Variants in USP25 observed in about 807,000 individuals in gnomAD.
USP25 encodes ubiquitin carboxyl-terminal hydrolase 25.
Under a neutral mutation model 158.5 loss-of-function variants are expected in USP25, and 85 were observed. The ratio of observed to expected loss-of-function variants is 0.54; its 90% confidence interval spans 0.45 to 0.64. The LOEUF is 0.64. Ranked by LOEUF, USP25 falls within the 30% of genes least tolerant of loss-of-function variation. The pLI, the probability that USP25 is intolerant of heterozygous loss-of-function variation, is 0.00. For missense variants in USP25, 1,242 were observed against 1,327.3 expected (o/e 0.94, Z 1.00); for synonymous variants, 464 against 460.4 (o/e 1.01, Z -0.10).
At chr21:15,750,161 T>G (rs1014033248) in intron 1 of USP25, among the ~76,000 whole-genome samples, 5 of 151,150 alleles carry the variant, frequency 3.3e-5, no homozygotes, top group Non-Finnish European at 5.9e-5. Context: ...TCAATTATAC[T>G]TTAATGAAAT....
chr21:15,846,830 T>C (rs1305299837), intron 18 of USP25, among the ~76,000 whole-genome samples: 1 of 152,168 alleles, frequency 6.6e-6, no homozygotes, highest in Non-Finnish European at 1.5e-5. Context: ...GTATTTTGAA[T>C]GAATCATATT....
At chr21:15,818,628 C>G in intron 9 of USP25, 70 bp from the exon 10 acceptor site, 1 of 1,365,728 alleles carries the variant, frequency 7.3e-7, no homozygotes. Flanking sequence ...AGGTGAGAAT[C>G]CTTACGTACT....
intron 17 of USP25, among the ~76,000 whole-genome samples, chr21:15,837,442 C>A (rs1227935747): frequency 6.6e-6 from 1 of 151,724 alleles, no homozygotes; most frequent in African/African-American, 2.4e-5. Context: ...GTTTTTTTTT[C>A]TGAGTGTGAA....
chr21:15,782,514 T>C (rs901546398), intron 4 of USP25, among the ~76,000 whole-genome samples: 15 of 152,192 alleles, frequency 9.9e-5, no homozygotes, highest in Non-Finnish European at 2.1e-4. Flanking sequence ...GTACAACCTT[T>C]CTGGCCTGCT....
chr21:15,831,520 G>A lies in USP25; in HGVS notation c.1884G>A (p.Val628=). The A allele has an allele frequency of 2.5e-6, 4 of 1,613,984 alleles. No homozygotes were observed. The highest frequency in any genetic ancestry group is 3.4e-6 in the Non-Finnish European group (4 of 1,179,912). The change falls in exon 16 of 26, where the codon GTG becomes GTA. Residue 628 remains valine (V), a synonymous_variant. Coordinates refer to ENST00000400183, the MANE Select transcript of USP25 (RefSeq NM_001283041.3). ...GGATGAAGTACAATGATATTGCTGT[G>A]ACAAAATCATCATGGGAAGAGCTAG... ...SRWMKYNDIA[V]TKSSWEELVR... is the part of the protein sequence containing the mutation.
chr21:15,878,702 CTAAT>C lies in USP25; in HGVS notation c.*229_*232del, dbSNP rs2040194224. The stretch of plus-strand genomic sequence containing the variant: ...CCGGAACTGATGTATAATCACAAAT[CTAAT>C]TGATTTTATTATGGCAAAACTATGC... On this transcript the variant is annotated 3_prime_UTR_variant, in exon 26 of 26. Coordinates refer to ENST00000400183, the MANE Select transcript of USP25 (RefSeq NM_001283041.3). The C allele has an allele frequency of 2.4e-6, 1 of 413,710 alleles. No homozygotes were observed. The highest frequency in any genetic ancestry group is 2.1e-5 in the African/African-American group (1 of 48,652). 25.6% of individuals were successfully genotyped at this position (413,710 alleles called of 1,614,324 possible). A position where few individuals can be genotyped will look rare whatever the true frequency, so the allele number is the denominator to read the frequency against.
chr21:15,837,901 G>T (rs1053407582), intron 17 of USP25, among the ~76,000 whole-genome samples: 1 of 151,930 alleles, frequency 6.6e-6, no homozygotes, highest in Non-Finnish European at 1.5e-5. Flanking sequence ...AGTATCGTCA[G>T]TGTTCTCAGA....
At chr21:15,813,213 C>T (rs1469222659) in intron 9 of USP25, among the ~76,000 whole-genome samples, 1 of 152,168 alleles carries the variant, frequency 6.6e-6, no homozygotes, top group African/African-American at 2.4e-5. Context: ...GTGTAATCAC[C>T]ATTCTTTCTC....
intron 20 of USP25, among the ~76,000 whole-genome samples, chr21:15,854,463 A>G (rs1388882144): frequency 1.3e-5 from 2 of 151,720 alleles, no homozygotes; most frequent in Non-Finnish European, 2.9e-5. Flanking sequence ...TTTTTTTTTA[A>G]TATCTCTTCT....
chr21:15,773,512 CTAT>C (rs2034473810), intron 3 of USP25, among the ~76,000 whole-genome samples: 1 of 151,936 alleles, frequency 6.6e-6, no homozygotes, highest in African/African-American at 2.4e-5. Flanking sequence ...GAAGTAATAC[CTAT>C]TATTGTACAC....
At chr21:15,747,052 A>G (rs1256102466) in intron 1 of USP25, among the ~76,000 whole-genome samples, 3 of 152,124 alleles carry the variant, frequency 2.0e-5, no homozygotes, top group African/African-American at 7.2e-5. Flanking sequence ...ATTTGTTTAT[A>G]TATCTTTTTA....
chr21:15,752,361 G>A (rs866458037), intron 1 of USP25, among the ~76,000 whole-genome samples: 5 of 151,900 alleles, frequency 3.3e-5, no homozygotes, highest in South Asian at 2.1e-4. Flanking sequence ...GACTACAGGC[G>A]CCTGCCACCA....
At chr21:15,871,742 T>G (rs2039892638) in intron 23 of USP25, among the ~76,000 whole-genome samples, 1 of 152,174 alleles carries the variant, frequency 6.6e-6, no homozygotes, top group South Asian at 2.1e-4. Flanking sequence ...ACATACTTAT[T>G]CAGAAAGTTA....
rs1350664545 is a variant in USP25, at chr21:15,730,093, C to T, written c.-301C>T. On this transcript the variant is annotated 5_prime_UTR_variant, in exon 1 of 26. Coordinates refer to ENST00000400183, the MANE Select transcript of USP25 (RefSeq NM_001283041.3). ...ACGCCGCCCGACTGGCTCGCGCTCT[C>T]CCGTGCCCCGGCGTCCTCCGCCCGC... 1.3e-5 allele frequency: 2 copies of T among 152,554 alleles called. No homozygotes were observed. The highest frequency in any genetic ancestry group is 6.6e-5 in the Admixed American group (1 of 15,208). 9.5% of individuals were successfully genotyped at this position (152,554 alleles called of 1,614,324 possible). A position where few individuals can be genotyped will look rare whatever the true frequency, so the allele number is the denominator to read the frequency against.
At position 15,838,869 on chromosome 21, in the gene USP25, A is replaced by G. The variant is rs1266122847; in HGVS notation, c.2195-3529A>G. On this transcript the variant is annotated intron_variant, in intron 17 of 25. Coordinates refer to ENST00000400183, the MANE Select transcript of USP25 (RefSeq NM_001283041.3). ...AAAGATTGAAGACCATAACCAGGAA[A>G]TATGCATAAGTAAAGCACCCCCAAA... Among the ~76,000 whole-genome samples, 3 of 152,256 alleles carry G rather than the reference A, an allele frequency of 2.0e-5. No homozygotes were observed. The East Asian group carries it at 5.8e-4, about 29-fold the overall frequency.
intron 1 of USP25, among the ~76,000 whole-genome samples, chr21:15,734,470 C>A (rs942282392): frequency 6.6e-6 from 1 of 152,078 alleles, no homozygotes. Context: ...AGGTTTCCAG[C>A]TGTTTATTCC....
At chr21:15,803,026 A>G (rs886235084) in intron 6 of USP25, among the ~76,000 whole-genome samples, 1 of 151,672 alleles carries the variant, frequency 6.6e-6, no homozygotes, top group African/African-American at 2.4e-5. Flanking sequence ...TATAAACAGC[A>G]GACAAGTATC....
intron 1 of USP25, among the ~76,000 whole-genome samples, chr21:15,747,208 A>G (rs1378795684): frequency 2.0e-5 from 3 of 152,082 alleles, no homozygotes; most frequent in Admixed American, 6.5e-5. Flanking sequence ...TTCTATTTAC[A>G]ATAGTCCACG....
At chr21:15,769,794 A>G (rs1360630481) in intron 3 of USP25, among the ~76,000 whole-genome samples, 1 of 152,142 alleles carries the variant, frequency 6.6e-6, no homozygotes, top group Non-Finnish European at 1.5e-5. Context: ...AAAACAGTAT[A>G]TGCTCTCCAG....
Sources: gnomAD v4.1 joint callset for allele counts (sites outside exome capture counted in the v4.1 genomes callset) on GRCh38, gnomAD v4.1.1 for gene constraint, MANE v1.5 for transcripts, NCBI Gene and HGNC (gene_info 2026-07-23, HGNC 2026-07-21) for gene names.